The following COL5A2 variants were observed in gnomAD, a reference collection of about 807,000 sequenced individuals.
COL5A2 encodes collagen type V alpha 2 chain.
COL5A2 carries 23 observed loss-of-function variants against 208.2 expected under a neutral mutation model. The ratio of observed to expected loss-of-function variants is 0.11; its 90% confidence interval spans 0.08 to 0.16. The LOEUF (loss-of-function observed/expected upper bound fraction) is 0.16. COL5A2 is among the 10% of genes least tolerant of loss of function. COL5A2 has a pLI of 1.00. For synonymous variants in COL5A2, 625 were observed against 628.5 expected (o/e 0.99, Z 0.08); for missense variants, 1,590 against 1,956.4 (o/e 0.81, Z 3.53).
the COL5A2 span, among the ~76,000 whole-genome samples, chr2:189,291,224 G>A: frequency 8.7e-4 from 133 of 152,134 alleles, 1 homozygote; most frequent in African/African-American, 3.1e-3. Flanking sequence ...TCTCACTTAA[G>A]AGATTTAAAT....
intron 23 of COL5A2, among the ~76,000 whole-genome samples, chr2:189,065,941 CA>C (rs929026645): frequency 3.3e-5 from 5 of 152,188 alleles, no homozygotes; most frequent in Admixed American, 3.3e-4. Flanking sequence ...CTTTCCTAAC[CA>C]CCTAATCTAA....
chr2:189,090,872 G>A (rs1045111129), intron 7 of COL5A2, among the ~76,000 whole-genome samples: 8 of 152,140 alleles, frequency 5.3e-5, no homozygotes, highest in Non-Finnish European at 7.4e-5. Context: ...CAGTGACAAT[G>A]CACTAGGTCA....
the COL5A2 span, among the ~76,000 whole-genome samples, chr2:189,259,570 T>C: frequency 4.5e-4 from 69 of 152,276 alleles, 1 homozygote; most frequent in African/African-American, 1.6e-3. Flanking sequence ...AAATTCGACA[T>C]GAAAATAAAA....
upstream of COL5A2, among the ~76,000 whole-genome samples, chr2:189,182,326 C>A (rs1381012496): frequency 6.6e-6 from 1 of 152,104 alleles, no homozygotes; most frequent in African/African-American, 2.4e-5. Flanking sequence ...CACAGCAACC[C>A]TGAAAGGTAC....
the COL5A2 span, among the ~76,000 whole-genome samples, chr2:189,322,197 TA>T: frequency 6.6e-6 from 1 of 152,312 alleles, no homozygotes; most frequent in African/African-American, 2.4e-5. Flanking sequence ...GGGAAATTTA[TA>T]GCACTAAATA....
chr2:189,305,768 G>T, the COL5A2 span, among the ~76,000 whole-genome samples: 1 of 147,912 alleles, frequency 6.8e-6, no homozygotes, highest in African/African-American at 2.5e-5. Context: ...GCGACAAGTT[G>T]ATTACACTGA....
chr2:189,374,090 G>C, the COL5A2 span, among the ~76,000 whole-genome samples: 7 of 152,136 alleles, frequency 4.6e-5, no homozygotes. Context: ...AACCTTACCT[G>C]GGAAAGCAGC....
chr2:189,032,935 A>G lies in COL5A2; in HGVS notation c.*1135T>C, dbSNP rs1406141681. The G allele has an allele frequency of 6.6e-6, 1 of 152,630 alleles. No individual in the cohort carries two copies. The highest frequency in any genetic ancestry group is 1.5e-5 in the Non-Finnish European group (1 of 68,010). The allele number at this position is 152,630 out of a possible 1,614,324, so 9.5% of individuals were successfully genotyped here. A position where few individuals can be genotyped will look rare whatever the true frequency, so the allele number is the denominator to read the frequency against. ...TAGCCCTGCCTATCTCCAGTCTTGG[A>G]ATAATAACAGAAGCATAGCACCTTT... On this transcript the variant is annotated 3_prime_UTR_variant, in exon 54 of 54. Coordinates refer to ENST00000374866, the MANE Select transcript of COL5A2 (RefSeq NM_000393.5).
At chr2:189,108,101 C>A (rs1230518506) in intron 2 of COL5A2, among the ~76,000 whole-genome samples, 1 of 151,626 alleles carries the variant, frequency 6.6e-6, no homozygotes, top group African/African-American at 2.4e-5. Context: ...TTTTGCCTCC[C>A]CCTTTCATTA....
the COL5A2 span, among the ~76,000 whole-genome samples, chr2:189,239,540 A>G: frequency 8.3e-4 from 121 of 144,930 alleles, no homozygotes; most frequent in African/African-American, 2.8e-3. Context: ...AACACCGCAT[A>G]TTCTCACTCA....
the COL5A2 span, among the ~76,000 whole-genome samples, chr2:189,314,648 C>G: frequency 6.6e-6 from 1 of 152,034 alleles, no homozygotes; most frequent in South Asian, 2.1e-4. Context: ...AATCCAGGAG[C>G]TAGTTTTTTG....
chr2:189,374,308 CT>C, the COL5A2 span, among the ~76,000 whole-genome samples: 789 of 144,364 alleles, frequency 5.5e-3, 4 homozygotes, highest in African/African-American at 0.011. Context: ...GTTAGATATC[CT>C]TTTTTTTTTT....
chr2:189,052,302 C>G (rs1465130558), intron 40 of COL5A2, 77 bp from the exon 41 acceptor site: 6 of 1,327,308 alleles, frequency 4.5e-6, no homozygotes, highest in Admixed American at 1.7e-5. Flanking sequence ...GATTTTTTTT[C>G]ACAGGAAGAC....
At chr2:189,326,737 C>T in the COL5A2 span, among the ~76,000 whole-genome samples, 1 of 149,312 alleles carries the variant, frequency 6.7e-6, no homozygotes, top group African/African-American at 2.5e-5. Flanking sequence ...GGGAGTTCAC[C>T]CACTCCCCAC....
chr2:189,405,716 T>C, the COL5A2 span, among the ~76,000 whole-genome samples: 10 of 152,180 alleles, frequency 6.6e-5, no homozygotes, highest in Non-Finnish European at 1.0e-4. Flanking sequence ...ATACGACTAT[T>C]GCACATGATT....
At chr2:189,087,205 A>G (rs1435068911) in intron 8 of COL5A2, among the ~76,000 whole-genome samples, 2 of 152,206 alleles carry the variant, frequency 1.3e-5, no homozygotes. Context: ...TGAAACATCA[A>G]CAATAATGAC....
intron 1 of COL5A2, among the ~76,000 whole-genome samples, chr2:189,193,458 C>T (rs1425444452): frequency 6.6e-6 from 1 of 152,108 alleles, no homozygotes; most frequent in African/African-American, 2.4e-5. Context: ...AATATATAAA[C>T]TATAAATGAT....
At chr2:189,324,982 C>A in the COL5A2 span, among the ~76,000 whole-genome samples, 13 of 152,268 alleles carry the variant, frequency 8.5e-5, no homozygotes, top group East Asian at 2.5e-3. Context: ...GAATACTATG[C>A]AGCCATAAAA....
chr2:189,406,975 C>T, the COL5A2 span, among the ~76,000 whole-genome samples: 1 of 152,020 alleles, frequency 6.6e-6, no homozygotes, highest in South Asian at 2.1e-4. Context: ...AATATTCAAA[C>T]AGTTGATGAA....
Sources: gnomAD v4.1 joint callset for allele counts (sites outside exome capture counted in the v4.1 genomes callset) on GRCh38, gnomAD v4.1.1 for gene constraint, MANE v1.5 for transcripts, NCBI Gene and HGNC (gene_info 2026-07-23, HGNC 2026-07-21) for gene names.